Variants in TAFA2 observed in about 807,000 individuals in gnomAD.
TAFA2 encodes chemokine-like protein TAFA-2.
In TAFA2, 7 loss-of-function variants were observed where a neutral mutation model predicts 18.8. The ratio of observed to expected loss-of-function variants is 0.37; its 90% CI spans 0.21 to 0.70. TAFA2 has a LOEUF of 0.70. TAFA2 is among the 30% of genes least tolerant of loss of function. TAFA2 has a pLI of 0.53. For missense variants in TAFA2, 122 were observed against 158.1 expected (o/e 0.77, Z 1.23); for synonymous variants, 60 against 54.2 (o/e 1.11, Z -0.47).
At chr12:62,084,821 T>C (rs1232940774) in intron 1 of TAFA2, among the ~76,000 whole-genome samples, 1 of 152,166 alleles carries the variant, frequency 6.6e-6, no homozygotes, top group East Asian at 1.9e-4. Context: ...TGAATTTTGA[T>C]CTTTTTTCAG....
At chr12:62,004,871 T>C (rs1199350459) in intron 1 of TAFA2, among the ~76,000 whole-genome samples, 1 of 152,062 alleles carries the variant, frequency 6.6e-6, no homozygotes, top group Non-Finnish European at 1.5e-5. Context: ...ATTACATCAT[T>C]TGCAACAACA....
chr12:62,176,557 C>T (rs1206333097), intron 1 of TAFA2, among the ~76,000 whole-genome samples: 1 of 152,020 alleles, frequency 6.6e-6, no homozygotes, highest in Non-Finnish European at 1.5e-5. Flanking sequence ...GCTTTTTTTT[C>T]AATTCGAATG....
chr12:61,939,710 GA>G (rs1438008896), intron 1 of TAFA2, among the ~76,000 whole-genome samples: 2 of 152,164 alleles, frequency 1.3e-5, no homozygotes, highest in Non-Finnish European at 2.9e-5. Flanking sequence ...TCAAATGAAA[GA>G]AAACAGGACA....
intron 1 of TAFA2, among the ~76,000 whole-genome samples, chr12:62,221,508 C>A (rs2062762851): frequency 1.3e-5 from 2 of 152,034 alleles, no homozygotes; most frequent in South Asian, 4.1e-4. Flanking sequence ...CAGGGAAAAA[C>A]AAATAGATCA....
At chr12:61,742,335 T>C (rs1157108679) in intron 4 of TAFA2, among the ~76,000 whole-genome samples, 1 of 152,140 alleles carries the variant, frequency 6.6e-6, no homozygotes, top group African/African-American at 2.4e-5. Context: ...AAACAAGTAA[T>C]GTTCATCTAA....
At chr12:62,043,452 G>A (rs1484639474) in intron 1 of TAFA2, among the ~76,000 whole-genome samples, 6 of 151,700 alleles carry the variant, frequency 4.0e-5, no homozygotes, top group East Asian at 3.9e-4. Flanking sequence ...ATCACACTCC[G>A]GGGACTGTTG....
At position 61,849,453 on chromosome 12, in the gene TAFA2, GTAAATT is replaced by G. The variant is rs796594560; in HGVS notation, c.106+17861_106+17866del. Among the ~76,000 whole-genome samples the G allele has an allele frequency of 2.0e-5, 3 of 152,218 alleles. No individual in the cohort carries two copies. The East Asian group carries it at 5.8e-4, about 29-fold the overall frequency. On this transcript the variant is annotated intron_variant, in intron 2 of 4. Transcript: ENST00000416284. Reference sequence around the variant, plus strand: ...ATCATCTAAGCACTCATTTTGCTTGGTAAATTTAATTCCCAGCCTAGTATCTTGCTT... The same window carrying G: ...ATCATCTAAGCACTCATTTTGCTTGGTAATTCCCAGCCTAGTATCTTGCTT...
chr12:62,041,578 TA>T (rs1250080012), intron 1 of TAFA2, among the ~76,000 whole-genome samples: 1 of 152,202 alleles, frequency 6.6e-6, no homozygotes, highest in Non-Finnish European at 1.5e-5. Flanking sequence ...ACAAATGTGT[TA>T]GTAAAATGGC....
chr12:62,256,276 A>C (rs1388950313), intron 1 of TAFA2, among the ~76,000 whole-genome samples: 1 of 152,214 alleles, frequency 6.6e-6, no homozygotes, highest in Non-Finnish European at 1.5e-5. Context: ...CTCCAAAAAA[A>C]AAAAGGATAT....
Position 61,867,434 on chromosome 12 carries a change from TAAAAA to T in TAFA2, c.-1-13_-1-9del, listed in dbSNP as rs1565662210. 6.8e-7 allele frequency: 1 copy of T among 1,465,230 alleles called. No individual in the cohort carries two copies. The highest frequency in any genetic ancestry group is 1.4e-5 in the African/African-American group (1 of 71,032). 90.8% of individuals were successfully genotyped at this position (1,465,230 alleles called of 1,614,324 possible). On this transcript the variant is annotated splice_polypyrimidine_tract_variant and intron_variant, in intron 1 of 4. Coordinates refer to ENST00000416284, the MANE Select transcript of TAFA2 (RefSeq NM_178539.5). ...AAGTATCTCTTACTCATCCTGCAAATAAAAAAATAATAAAAATCATAAGTATGCAA... is the reference window on the plus strand; with the variant it reads ...AAGTATCTCTTACTCATCCTGCAAATAATAATAAAAATCATAAGTATGCAA...
chr12:62,147,972 T>C (rs2062299219), intron 1 of TAFA2, among the ~76,000 whole-genome samples: 1 of 152,024 alleles, frequency 6.6e-6, no homozygotes, highest in South Asian at 2.1e-4. Flanking sequence ...ATGTTCAACA[T>C]CACTGATCAT....
chr12:61,859,486 C>T (rs1275070715), intron 2 of TAFA2, among the ~76,000 whole-genome samples: 1 of 152,180 alleles, frequency 6.6e-6, no homozygotes, highest in African/African-American at 2.4e-5. Flanking sequence ...CTCTGTCGCC[C>T]AGGCTGGAGT....
intron 4 of TAFA2, among the ~76,000 whole-genome samples, chr12:61,733,876 T>G (rs1402189182): frequency 5.3e-5 from 8 of 150,704 alleles, no homozygotes; most frequent in African/African-American, 2.0e-4. Context: ...TATGGCCATT[T>G]TCATGATATT....
intron 1 of TAFA2, among the ~76,000 whole-genome samples, chr12:62,088,177 T>C (rs1440875746): frequency 6.6e-6 from 1 of 152,090 alleles, no homozygotes; most frequent in Non-Finnish European, 1.5e-5. Flanking sequence ...ACAGTATTGT[T>C]AATGAAGGAA....
chr12:61,869,337 G>A (rs1041761784), intron 1 of TAFA2, among the ~76,000 whole-genome samples: 2 of 152,144 alleles, frequency 1.3e-5, no homozygotes, highest in Non-Finnish European at 2.9e-5. Context: ...AGTGTTGTTG[G>A]TATGAAGATT....
chr12:62,147,162 T>C (rs1012360939), intron 1 of TAFA2, among the ~76,000 whole-genome samples: 5 of 150,424 alleles, frequency 3.3e-5, no homozygotes, highest in African/African-American at 9.8e-5. Context: ...ATACAAAAAT[T>C]AACTCAAGAT....
At chr12:61,836,756 T>TATATATATATATATATATATATATAC (rs68158949) in intron 2 of TAFA2, among the ~76,000 whole-genome samples, 3,657 of 117,570 alleles carry the variant, frequency 0.031, 142 homozygotes, top group South Asian at 0.046. Flanking sequence ...TATATATATA[T>TATATATATATATATATATATATATAC]ACACACACAC....
intron 1 of TAFA2, among the ~76,000 whole-genome samples, chr12:62,160,048 G>A (rs2062396550): frequency 6.6e-6 from 1 of 152,078 alleles, no homozygotes; most frequent in South Asian, 2.1e-4. Context: ...AATAAGTAAT[G>A]AACATCATCT....
At chr12:61,886,055 T>C (rs925586337) in intron 1 of TAFA2, among the ~76,000 whole-genome samples, 1 of 152,202 alleles carries the variant, frequency 6.6e-6, no homozygotes, top group Admixed American at 6.5e-5. Flanking sequence ...CCCATAGTTA[T>C]GTCAAATAAT....
Sources: gnomAD v4.1 joint callset for allele counts (sites outside exome capture counted in the v4.1 genomes callset) on GRCh38, gnomAD v4.1.1 for gene constraint, MANE v1.5 for transcripts, NCBI Gene and HGNC (gene_info 2026-07-23, HGNC 2026-07-21) for gene names.